The following TRPC4 variants were observed in gnomAD, a reference collection of about 807,000 sequenced individuals.
TRPC4 encodes the protein short transient receptor potential channel 4.
A neutral mutation model predicts 99.4 loss-of-function variants in TRPC4; 49 were observed. The observed-to-expected ratio is 0.49, with a 90% CI of 0.39 to 0.63. The LOEUF is 0.63. TRPC4 is among the 20% of genes least tolerant of loss of function. The pLI, the probability that TRPC4 is intolerant of heterozygous loss-of-function variation, is 0.00. For synonymous variants in TRPC4, 454 were observed against 425.9 expected, an observed-to-expected ratio of 1.07 and a Z score of -0.81; for missense variants, 898 against 1,152.9, an observed-to-expected ratio of 0.78 and a Z score of 3.20.
At chr13:37,685,491 G>T (rs1953436888) in intron 4 of TRPC4, among the ~76,000 whole-genome samples, 1 of 152,092 alleles carries the variant, frequency 6.6e-6, no homozygotes, top group Non-Finnish European at 1.5e-5. Context: ...TCGAACAAAA[G>T]AATGCATTTA....
At chr13:37,760,726 A>C (rs1235553930) in intron 2 of TRPC4, among the ~76,000 whole-genome samples, 1 of 151,994 alleles carries the variant, frequency 6.6e-6, no homozygotes, top group South Asian at 2.1e-4. Context: ...AATTAAAAAT[A>C]ATCTCATCAG....
At chr13:37,691,821 G>A (rs1462830108) in intron 4 of TRPC4, among the ~76,000 whole-genome samples, 178 bp downstream of exon 4, 1 of 152,136 alleles carries the variant, frequency 6.6e-6, no homozygotes, top group Non-Finnish European at 1.5e-5. Context: ...TTTGTAAGCG[G>A]GTCCACCGCA....
chr13:37,864,616 TCA>T (rs1334165120), intron 1 of TRPC4, among the ~76,000 whole-genome samples: 2 of 151,686 alleles, frequency 1.3e-5, no homozygotes, highest in East Asian at 1.9e-4. Flanking sequence ...AGTTACAAAC[TCA>T]CACAGTTTTG....
At chr13:37,763,839 T>A (rs1956288148) in intron 2 of TRPC4, among the ~76,000 whole-genome samples, 1 of 151,444 alleles carries the variant, frequency 6.6e-6, no homozygotes, top group African/African-American at 2.4e-5. Flanking sequence ...GGGAAGAAAT[T>A]TTGACGTTGG....
intron 2 of TRPC4, among the ~76,000 whole-genome samples, chr13:37,781,922 TA>T (rs34809306): frequency 1.3e-5 from 2 of 151,620 alleles, no homozygotes; most frequent in Non-Finnish European, 1.5e-5. Flanking sequence ...AGCTTGCTTG[TA>T]AAAAAAATGT....
At chr13:37,761,630 G>T (rs945974079) in intron 2 of TRPC4, among the ~76,000 whole-genome samples, 1 of 151,848 alleles carries the variant, frequency 6.6e-6, no homozygotes, top group Non-Finnish European at 1.5e-5. Flanking sequence ...TTCCCATAGG[G>T]CTGTGGTGAA....
In TRPC4 at chr13:37,828,249, G is replaced by GGGAGCTGTAGACC. The variant is rs1215470995; in HGVS notation, c.-28+41333_-28+41345dup. On this transcript the variant is annotated intron_variant, in intron 1 of 10. Coordinates refer to ENST00000379705, the MANE Select transcript of TRPC4 (RefSeq NM_016179.4). ...ACCCGTCTTCTGCGTTGCTCACGCT[G>GGGAGCTGTAGACC]GGAGCTGTAGACCGGAGCTGTTCCT... Among the ~76,000 whole-genome samples the GGGAGCTGTAGACC allele has an allele frequency of 3.3e-5, 5 of 152,180 alleles. No homozygotes were observed. The East Asian group carries it at 7.7e-4, about 23-fold the overall frequency.
intron 1 of TRPC4, among the ~76,000 whole-genome samples, chr13:37,808,806 C>T (rs1957599194): frequency 6.6e-6 from 1 of 151,986 alleles, no homozygotes; most frequent in African/African-American, 2.4e-5. Context: ...TCTCTCCCTT[C>T]CACAGATGTA....
chr13:37,690,422 C>T (rs1170862662), intron 4 of TRPC4, among the ~76,000 whole-genome samples: 1 of 152,152 alleles, frequency 6.6e-6, no homozygotes, highest in Admixed American at 6.5e-5. Flanking sequence ...TCAAACTATT[C>T]TCCTGCCTCA....
At chr13:37,798,032 G>A (rs1957302634) in intron 1 of TRPC4, among the ~76,000 whole-genome samples, 1 of 152,142 alleles carries the variant, frequency 6.6e-6, no homozygotes, top group Admixed American at 6.5e-5. Flanking sequence ...CAGCAGACAC[G>A]TTAGCATTTT....
Position 37,639,318 on chromosome 13 carries a change from T to G in TRPC4, c.2080-19A>C. 1 of 1,612,944 alleles carries G rather than the reference T, an allele frequency of 6.2e-7. No homozygotes were observed. Among genetic ancestry groups the G allele is most frequent in the Non-Finnish European group, 8.5e-7 (1 of 1,179,096 alleles). On this transcript the variant is annotated intron_variant, in intron 8 of 10. Coordinates refer to ENST00000379705, the MANE Select transcript of TRPC4 (RefSeq NM_016179.4). ...CTCGCCTCTGAAAAGGAAAAGGACA[T>G]TCCTTTCTGGTTATACTGTTATATT...
At chr13:37,783,952 C>G (rs1236927940) in intron 1 of TRPC4, among the ~76,000 whole-genome samples, 1 of 152,080 alleles carries the variant, frequency 6.6e-6, no homozygotes, top group Non-Finnish European at 1.5e-5. Flanking sequence ...AAGAGATCCA[C>G]CTGCCTTGGC....
chr13:37,812,683 A>C (rs754479576), intron 1 of TRPC4, among the ~76,000 whole-genome samples: 8 of 152,046 alleles, frequency 5.3e-5, no homozygotes, highest in African/African-American at 1.9e-4. Flanking sequence ...TGAGAGAGAG[A>C]AGGTTAAAAA....
At chr13:37,805,146 T>G (rs1477622399) in intron 1 of TRPC4, among the ~76,000 whole-genome samples, 2 of 151,998 alleles carry the variant, frequency 1.3e-5, no homozygotes, top group Non-Finnish European at 2.9e-5. Context: ...CCAACATATC[T>G]CCTGCTGAAA....
At chr13:37,829,077 CAATA>C (rs1225880512) in intron 1 of TRPC4, among the ~76,000 whole-genome samples, 1 of 152,118 alleles carries the variant, frequency 6.6e-6, no homozygotes, top group Admixed American at 6.5e-5. Context: ...TTACATATGA[CAATA>C]AATCACAAGC....
chr13:37,761,098 C>G (rs1214269639), intron 2 of TRPC4, among the ~76,000 whole-genome samples: 5 of 151,970 alleles, frequency 3.3e-5, no homozygotes, highest in African/African-American at 1.2e-4. Context: ...AAGGATCTGG[C>G]TAAAACTACT....
At chr13:37,701,951 AT>A (rs564931783) in intron 3 of TRPC4, among the ~76,000 whole-genome samples, 23 of 150,326 alleles carry the variant, frequency 1.5e-4, no homozygotes, top group Admixed American at 2.0e-4. Flanking sequence ...AAAACAACAT[AT>A]TTTTTTTTTC....
chr13:37,832,310 G>T (rs1292226612), intron 1 of TRPC4, among the ~76,000 whole-genome samples: 1 of 152,182 alleles, frequency 6.6e-6, no homozygotes, highest in Non-Finnish European at 1.5e-5. Flanking sequence ...GGGAGGCTGA[G>T]GCGGGCAGAT....
intron 1 of TRPC4, among the ~76,000 whole-genome samples, chr13:37,866,958 A>G (rs945925827): frequency 2.6e-5 from 4 of 151,410 alleles, no homozygotes; most frequent in Non-Finnish European, 5.9e-5. Flanking sequence ...TGGGGTTTCC[A>G]TAGGCATTAA....
Sources: allele counts gnomAD v4.1 joint callset (sites outside exome capture counted in the v4.1 genomes callset), GRCh38; gene constraint gnomAD v4.1.1; transcripts MANE v1.5; gene names NCBI Gene and HGNC (gene_info 2026-07-23, HGNC 2026-07-21).